The following RYR1 variants were observed in gnomAD, a reference collection of about 807,000 sequenced individuals.
The protein encoded by RYR1 is central core disease of muscle.
In RYR1, 342 loss-of-function variants were observed where a neutral mutation model predicts 583.5. The ratio of observed to expected loss-of-function variants is 0.59; its 90% CI spans 0.54 to 0.64. The LOEUF is 0.64. Among genes scored for constraint, RYR1 ranks in the 30% least tolerant of loss-of-function variants. The pLI is 0.00. For missense variants in RYR1, 6,032 were observed against 6,917.2 expected (o/e 0.87, Z 4.54); for synonymous variants, 2,791 against 2,822.5 (o/e 0.99, Z 0.35).
rs753208767 is a variant in RYR1, at chr19:38,570,637, C to T, written c.13690C>T (p.Arg4564Trp). Residue 4564 changes from arginine (R) to tryptophan (W), a missense_variant, in exon 94 of 106, where the codon CGG becomes TGG. Around this residue, in one of 11 missense-constraint regions of RYR1, gnomAD observed 35 missense variants for 66.0 expected, o/e 0.53. Transcript: ENST00000359596. ...NYLSRNFYTL[R>W]FLALFLAFAI... ...CCTGTCCCGGAACTTTTACACCCTG[C>T]GGTTCCTTGCCCTCTTCTTGGCATT... The T allele has an allele frequency of 1.6e-5, 26 of 1,613,760 alleles. No homozygotes were observed. The highest frequency in any genetic ancestry group is 1.5e-4 in the Admixed American group (9 of 59,980).
At chr19:38,529,780 A>C (rs898573137) in intron 76 of RYR1, among the ~76,000 whole-genome samples, 11 of 152,154 alleles carry the variant, frequency 7.2e-5, no homozygotes, top group Admixed American at 2.6e-4. Context: ...ATTGTGATGC[A>C]GATGGCGCAG....
chr19:38,443,266 T>C (rs556388474), intron 3 of RYR1, among the ~76,000 whole-genome samples: 1 of 152,130 alleles, frequency 6.6e-6, no homozygotes, highest in Non-Finnish European at 1.5e-5. Context: ...GACGGGTTCA[T>C]TCTCCTGAGT....
In RYR1 at chr19:38,494,430, G is replaced by A. The variant is rs201649680; in HGVS notation, c.6353G>A (p.Arg2118Gln). The change falls in exon 39 of 106, where the codon CGG (arginine) becomes CAG (glutamine). Residue 2118 changes from arginine (R) to glutamine (Q), a missense_variant. This residue lies in a region of RYR1 where 2,627 missense variants were observed against 2,961.3 expected (regional missense o/e 0.89). Coordinates refer to ENST00000359596, the MANE Select transcript of RYR1 (RefSeq NM_000540.3). ...EDFVQSPELV[R>Q]AMFSLLHRQY... ...TTCGTGCAGAGCCCCGAGCTGGTGC[G>A]GGCCATGTTCAGCCTCCTGCACCGG... 7 of 1,612,164 alleles carry A rather than the reference G, an allele frequency of 4.3e-6. No homozygotes were observed. The highest frequency in any genetic ancestry group is 1.7e-5 in the Admixed American group (1 of 60,006).
At chr19:38,448,314 TG>T in intron 9 of RYR1, 40 bp from the exon 10 acceptor site, 6 of 1,590,342 alleles carry the variant, frequency 3.8e-6, no homozygotes, top group East Asian at 2.2e-5. Context: ...ATGGGAGAAC[TG>T]GGGGGTCCTC....
intron 27 of RYR1, among the ~76,000 whole-genome samples, chr19:38,473,143 G>A (rs1232533712): frequency 6.6e-6 from 1 of 152,120 alleles, no homozygotes; most frequent in Non-Finnish European, 1.5e-5. Flanking sequence ...TGTGTCCGGG[G>A]CTGCTAGTGT....
At chr19:38,502,406 T>G in intron 47 of RYR1, 101 bp from the exon 48 acceptor site, 2 of 1,105,754 alleles carry the variant, frequency 1.8e-6, no homozygotes, top group Admixed American at 2.0e-5. Context: ...TTTGGGGGAG[T>G]CATCAGAAGC....
At chr19:38,544,975 G>A (rs771099830) in intron 87 of RYR1, among the ~76,000 whole-genome samples, 10 of 152,068 alleles carry the variant, frequency 6.6e-5, no homozygotes, top group Non-Finnish European at 8.8e-5. Flanking sequence ...CAAGCAGGCT[G>A]TCTCCCTGGG....
intron 28 of RYR1, 84 bp downstream of exon 28, chr19:38,473,855 C>A: frequency 9.9e-7 from 1 of 1,008,478 alleles, no homozygotes; most frequent in Non-Finnish European, 1.4e-6. Flanking sequence ...GAGAAACCCC[C>A]ATTGTACCCC....
At chr19:38,479,305 G>T (rs559343052) in intron 31 of RYR1, among the ~76,000 whole-genome samples, 2 of 152,156 alleles carry the variant, frequency 1.3e-5, no homozygotes, top group Non-Finnish European at 2.9e-5. Flanking sequence ...GTAGATATTG[G>T]CTTTATCACA....
intron 76 of RYR1, among the ~76,000 whole-genome samples, chr19:38,529,763 A>G (rs1227972414): frequency 1.3e-5 from 2 of 152,314 alleles, no homozygotes; most frequent in African/African-American, 4.8e-5. Flanking sequence ...AGGCTTAGTA[A>G]TAAATAATTG....
At chr19:38,544,071 C>A (rs560816643) in intron 87 of RYR1, among the ~76,000 whole-genome samples, 196 bp downstream of exon 87, 1 of 152,316 alleles carries the variant, frequency 6.6e-6, no homozygotes, top group South Asian at 2.1e-4. Context: ...CTGCCCCTCC[C>A]TCCCCACCAA....
At chr19:38,544,192 G>C (rs1387346297) in intron 87 of RYR1, among the ~76,000 whole-genome samples, 1 of 152,198 alleles carries the variant, frequency 6.6e-6, no homozygotes, top group Non-Finnish European at 1.5e-5. Flanking sequence ...AGTCATCGCA[G>C]ATGTGGACAG....
intron 87 of RYR1, among the ~76,000 whole-genome samples, chr19:38,545,942 G>A (rs74892946): frequency 0.023 from 3,460 of 152,256 alleles, 94 homozygotes; most frequent in Admixed American, 0.073. Context: ...GCCCTACACT[G>A]TGGCCCTATG....
rs118192120 is a variant in RYR1, at chr19:38,483,311, G to A, written c.4729G>A (p.Ala1577Thr). ...TCAGAACATCATGCCGTTGTCAGCC[G>A]CCATGTTCCAAAGCGAGCGCAAGAA... ...KQKNIMPLSA[A>T]MFQSERKNPA... is the part of the protein sequence containing the mutation. The change falls in exon 33 of 106, where the codon GCC (alanine) becomes ACC (threonine). Residue 1577 changes from alanine to threonine, a missense_variant. By Grantham distance (58) the Ala-to-Thr change is moderately conservative. Coordinates refer to ENST00000359596, the MANE Select transcript of RYR1 (RefSeq NM_000540.3). This position sits in a 1 kb window ranked among gnomAD's most constrained non-coding sequence, Gnocchi z 6.3. The A allele has an allele frequency of 1.7e-5, 26 of 1,559,896 alleles. No individual in the cohort carries two copies. The highest frequency in any genetic ancestry group is 1.1e-4 in the African/African-American group (8 of 73,780).
chr19:38,528,055 C>T (rs375192516), intron 73 of RYR1: 11 of 622,246 alleles, frequency 1.8e-5, no homozygotes, highest in Admixed American at 5.5e-5. Flanking sequence ...TGGGCAGGGC[C>T]TTGGGTGGGT....
rs757718303 is a variant in RYR1 at position 38,506,305 on chromosome 19, C to G, written c.8544C>G (p.Thr2848=). ...KTRKISQSAQ[T]YDPREGYNPQ... ...CCATCTTCCCCTTGTCCTCTCAGACCTATGATCCTCGAGAAGGCTACAACC... is the reference window on the plus strand; with the variant it reads ...CCATCTTCCCCTTGTCCTCTCAGACGTATGATCCTCGAGAAGGCTACAACC... The change falls in exon 55 of 106, where the codon ACC becomes ACG. Residue 2848 remains threonine (T), a splice_region_variant and synonymous_variant. Coordinates refer to ENST00000359596, the MANE Select transcript of RYR1 (RefSeq NM_000540.3). The G allele has an allele frequency of 2.5e-5, 40 of 1,613,872 alleles. No individual in the cohort carries two copies. Among genetic ancestry groups the G allele is most frequent in the Admixed American group, 1.7e-5 (1 of 59,980 alleles).
chr19:38,546,250 C>T (rs1972418379), intron 87 of RYR1, among the ~76,000 whole-genome samples, 195 bp from the exon 88 acceptor site: 1 of 151,992 alleles, frequency 6.6e-6, no homozygotes, highest in Non-Finnish European at 1.5e-5. Flanking sequence ...CCCCCAAGTG[C>T]CAACCCCACC....
rs753956276 is a variant in RYR1, at chr19:38,496,573, C to T, written c.6796+32C>T. 5 of 1,612,494 alleles carry T rather than the reference C, an allele frequency of 3.1e-6. No homozygotes were observed. The highest frequency in any genetic ancestry group is 1.1e-5 in the South Asian group (1 of 91,062). On this transcript the variant is annotated intron_variant, in intron 41 of 105. Transcript: ENST00000359596. This position sits in a 1 kb window ranked among gnomAD's most constrained non-coding sequence, Gnocchi z 4.8. ...ACCCCCGAGCCCAGGGGCTGTCCCC[C>T]AGAACCCACTCCTGGCACCCCGTCC...
intron 82 of RYR1, among the ~76,000 whole-genome samples, chr19:38,536,495 A>ATC (rs144742953): frequency 4.7e-5 from 7 of 147,522 alleles, no homozygotes; most frequent in African/African-American, 1.8e-4. Context: ...CTATGTCTTC[A>ATC]TCTCTCTCTC....
Sources: allele counts gnomAD v4.1 joint callset (sites outside exome capture counted in the v4.1 genomes callset), GRCh38; gene constraint gnomAD v4.1.1; regional missense constraint gnomAD v4.1.1; non-coding constraint Gnocchi (gnomAD v3.1); transcripts MANE v1.5; gene names NCBI Gene and HGNC (gene_info 2026-07-23, HGNC 2026-07-21).